CAPS2: variants seen among roughly 807,000 people sequenced by gnomAD.
The protein encoded by CAPS2 is calcyphosin-2.
In CAPS2, 98 loss-of-function variants were observed where a neutral mutation model predicts 86.5. The ratio of observed to expected loss-of-function variants is 1.13; its 90% CI spans 0.96 to 1.34. The LOEUF is 1.34. CAPS2 is among the 40% of genes most tolerant of loss of function. The pLI, the probability that CAPS2 is intolerant of heterozygous loss-of-function variation, is 0.00. For synonymous variants in CAPS2, 210 were observed against 225.1 expected (o/e 0.93, Z 0.60); for missense variants, 729 against 686.8 (o/e 1.06, Z -0.69).
chr12:75,279,801 T>C (rs1200775601), intron 16 of CAPS2, among the ~76,000 whole-genome samples: 4 of 152,064 alleles, frequency 2.6e-5, no homozygotes, highest in African/African-American at 9.7e-5. Context: ...GAAGTTTTAA[T>C]TGAATGTTAG....
chr12:75,368,506 A>G (rs1475380117), intron 1 of CAPS2, among the ~76,000 whole-genome samples: 2 of 151,582 alleles, frequency 1.3e-5, no homozygotes, highest in Non-Finnish European at 2.9e-5. Flanking sequence ...ATGCCCCAGG[A>G]ATACAATATT....
upstream of CAPS2, among the ~76,000 whole-genome samples, chr12:75,330,822 T>C (rs2041242567): frequency 6.6e-6 from 1 of 151,982 alleles, no homozygotes; most frequent in African/African-American, 2.4e-5. Flanking sequence ...TTCCTTCTTG[T>C]TGCCCAGGCT....
At chr12:75,277,465 T>C (rs2033132705) in exon 17 of CAPS2, 10 of 919,472 alleles carry the variant, frequency 1.1e-5, no homozygotes, top group Non-Finnish European at 1.3e-5. Flanking sequence ...TATAGACTTA[T>C]TTCTGCCAAA....
In CAPS2 at chr12:75,306,086, G is replaced by A. The variant is rs372356239; in HGVS notation, c.660-1210C>T. The A allele has an allele frequency of 6.8e-5, 99 of 1,459,074 alleles. No individual in the cohort carries two copies. In the African/African-American group the frequency reaches 1.0e-3, roughly 15 times the overall value. The allele number at this position is 1,459,074 out of a possible 1,614,324, so 90.4% of individuals were successfully genotyped here. ...AGAACGTGCTGCGCGTCCTGGGGCT[G>A]CGGCCCTGGAAGAAGCACTCCACCT... On this transcript the variant is annotated intron_variant, in intron 7 of 16. Coordinates refer to ENST00000393284, the Ensembl canonical transcript of CAPS2.
At chr12:75,384,418 T>C (rs2139837160) in intron 1 of CAPS2, among the ~76,000 whole-genome samples, 1 of 152,212 alleles carries the variant, frequency 6.6e-6, no homozygotes, top group Admixed American at 6.5e-5. Flanking sequence ...AACGGGCCAC[T>C]TCCTTGAAAG....
chr12:75,353,906 A>G (rs11522897), intron 1 of CAPS2, among the ~76,000 whole-genome samples: 16,049 of 152,238 alleles, frequency 0.11, 1,103 homozygotes, highest in Non-Finnish European at 0.15. Flanking sequence ...GATTATCTCA[A>G]TAGATGCCAA....
intron 1 of CAPS2, among the ~76,000 whole-genome samples, chr12:75,382,548 G>A (rs2045055690): frequency 6.6e-6 from 1 of 151,972 alleles, no homozygotes; most frequent in Non-Finnish European, 1.5e-5. Flanking sequence ...GCTGAGTCAT[G>A]AGAATCACTT....
intron 1 of CAPS2, among the ~76,000 whole-genome samples, chr12:75,336,911 T>G (rs939578750): frequency 2.6e-5 from 4 of 151,748 alleles, no homozygotes; most frequent in Non-Finnish European, 5.9e-5. Flanking sequence ...ATTTGAAATT[T>G]TGTCCTATAT....
chr12:75,293,397 G>T, intron 11 of CAPS2, 30 bp from the exon 12 acceptor site: 1 of 1,358,810 alleles, frequency 7.4e-7, no homozygotes, highest in South Asian at 1.2e-5. Context: ...AATGAAGCTA[G>T]AAAGCATGTA....
chr12:75,305,961 G>T, intron 7 of CAPS2: 1 of 1,254,082 alleles, frequency 8.0e-7, no homozygotes. Flanking sequence ...AGCATGGACA[G>T]GGTGGCTCTG....
At chr12:75,292,641 TC>T (rs1247582913) in intron 12 of CAPS2, among the ~76,000 whole-genome samples, 1 of 147,020 alleles carries the variant, frequency 6.8e-6, no homozygotes, top group Non-Finnish European at 1.5e-5. Context: ...TATGTATAGA[TC>T]TATACATAAT....
At chr12:75,375,885 T>C (rs539305881) in intron 1 of CAPS2, among the ~76,000 whole-genome samples, 2 of 152,274 alleles carry the variant, frequency 1.3e-5, no homozygotes, top group East Asian at 3.9e-4. Flanking sequence ...TGAATGTAAG[T>C]TTTCCAATTG....
chr12:75,319,307 C>T (rs1012006945), intron 5 of CAPS2, among the ~76,000 whole-genome samples: 8 of 152,198 alleles, frequency 5.3e-5, no homozygotes, highest in African/African-American at 1.9e-4. Flanking sequence ...GTCGATCTCT[C>T]GTGAATAGAT....
chr12:75,353,848 A>G (rs1202279923), intron 1 of CAPS2, among the ~76,000 whole-genome samples: 1 of 152,220 alleles, frequency 6.6e-6, no homozygotes, highest in Non-Finnish European at 1.5e-5. Context: ...TACGCAAATC[A>G]ATGAATGTAA....
chr12:75,309,162 G>A (rs2038863592), intron 7 of CAPS2, among the ~76,000 whole-genome samples: 1 of 152,040 alleles, frequency 6.6e-6, no homozygotes. Context: ...CAATCAAAAG[G>A]CAGACACGGG....
intron 11 of CAPS2, among the ~76,000 whole-genome samples, chr12:75,297,624 C>A (rs1039050517): frequency 1.3e-5 from 2 of 152,138 alleles, no homozygotes; most frequent in African/African-American, 4.8e-5. Flanking sequence ...CCCATTCCAT[C>A]CACATCTTCT....
chr12:75,276,457 T>C (rs1353748054), downstream of CAPS2: 7 of 979,530 alleles, frequency 7.1e-6, no homozygotes, highest in Non-Finnish European at 8.5e-6. Flanking sequence ...TCAAGATTAT[T>C]AATTACTCTA....
chr12:75,329,827 A>G, upstream of CAPS2: 1 of 1,543,744 alleles, frequency 6.5e-7, no homozygotes, highest in Non-Finnish European at 8.8e-7. Context: ...TATAATTCAG[A>G]GCACCTGCAG....
At chr12:75,329,487 T>TG (rs1474319127), upstream of CAPS2, among the ~76,000 whole-genome samples, 1 of 151,146 alleles carries the variant, frequency 6.6e-6, no homozygotes, top group Non-Finnish European at 1.5e-5. Context: ...TTTCCCTCAT[T>TG]TTTTTTTAAG....
Sources: allele counts gnomAD v4.1 joint callset (sites outside exome capture counted in the v4.1 genomes callset), GRCh38; gene constraint gnomAD v4.1.1; transcripts MANE v1.5; gene names NCBI Gene and HGNC (gene_info 2026-07-23, HGNC 2026-07-21).